The following CBFB variants were observed in gnomAD, a reference collection of about 807,000 sequenced individuals.
The protein encoded by CBFB is core-binding factor subunit beta.
Under a neutral mutation model 30.4 loss-of-function variants are expected in CBFB, and 9 were observed. The ratio of observed to expected loss-of-function variants is 0.30; its 90% CI spans 0.18 to 0.52. The LOEUF (loss-of-function observed/expected upper bound fraction) is 0.52. Among genes scored for constraint, CBFB ranks in the 20% least tolerant of loss-of-function variants. The pLI is 0.97. For synonymous variants in CBFB, 94 were observed against 84.0 expected, an observed-to-expected ratio of 1.12 and a Z score of -0.65; for missense variants, 170 against 244.0, an observed-to-expected ratio of 0.70 and a Z score of 2.02.
chr16:67,037,610 T>A (rs961871850), intron 3 of CBFB, among the ~76,000 whole-genome samples: 21 of 152,014 alleles, frequency 1.4e-4, no homozygotes, highest in Admixed American at 9.2e-4. Context: ...ATAGGTAAAA[T>A]GTTTAAGCTG....
chr16:67,032,977 T>A (rs1286455179), intron 2 of CBFB, among the ~76,000 whole-genome samples: 1 of 152,078 alleles, frequency 6.6e-6, no homozygotes, highest in Non-Finnish European at 1.5e-5. Flanking sequence ...CATGTTCAAG[T>A]GATTGTCTTG....
chr16:67,066,623 C>A, intron 3 of CBFB, 59 bp from the exon 4 acceptor site: 1 of 905,964 alleles, frequency 1.1e-6, no homozygotes, highest in Non-Finnish European at 1.8e-6. Flanking sequence ...TAAGTTTAAT[C>A]TTTTTATTTT....
chr16:67,085,891 G>A (rs1277739893), intron 5 of CBFB, among the ~76,000 whole-genome samples: 2 of 151,554 alleles, frequency 1.3e-5, no homozygotes, highest in Admixed American at 6.6e-5. Context: ...TGTTAGCCAG[G>A]ATGGTCTCGA....
At chr16:67,068,122 T>C (rs1961108972) in intron 4 of CBFB, among the ~76,000 whole-genome samples, 1 of 152,210 alleles carries the variant, frequency 6.6e-6, no homozygotes, top group South Asian at 2.1e-4. Context: ...GTAAAAACTC[T>C]GACCAGTCAT....
intron 3 of CBFB, among the ~76,000 whole-genome samples, chr16:67,044,927 G>C (rs1373427876): frequency 6.6e-6 from 1 of 152,106 alleles, no homozygotes; most frequent in African/African-American, 2.4e-5. Context: ...CAAATACCTT[G>C]TCACATCTGG....
intron 3 of CBFB, among the ~76,000 whole-genome samples, chr16:67,046,280 T>G (rs570002555): frequency 6.6e-6 from 1 of 152,186 alleles, no homozygotes; most frequent in African/African-American, 2.4e-5. Context: ...GTAATTTTTT[T>G]GTAGATATGG....
At chr16:67,078,898 A>AC (rs1961479250) in intron 4 of CBFB, among the ~76,000 whole-genome samples, 1 of 152,050 alleles carries the variant, frequency 6.6e-6, no homozygotes. Flanking sequence ...AACTCAGGTG[A>AC]CCCACCGGCC....
At chr16:67,057,939 T>G (rs1406443800) in intron 3 of CBFB, among the ~76,000 whole-genome samples, 1 of 152,200 alleles carries the variant, frequency 6.6e-6, no homozygotes, top group Non-Finnish European at 1.5e-5. Flanking sequence ...GGCAAAAAAT[T>G]ACTCTTTCTC....
At chr16:67,055,890 C>T (rs989902605) in intron 3 of CBFB, among the ~76,000 whole-genome samples, 3 of 152,040 alleles carry the variant, frequency 2.0e-5, no homozygotes, top group Non-Finnish European at 4.4e-5. Context: ...GAGTCAGAAC[C>T]AAGTATCTTC....
chr16:67,046,409 A>G (rs2145725212), intron 3 of CBFB, among the ~76,000 whole-genome samples: 1 of 152,122 alleles, frequency 6.6e-6, no homozygotes, highest in East Asian at 1.9e-4. Flanking sequence ...TTTAATGGTT[A>G]ATTCAAATGC....
At chr16:67,041,073 T>C (rs1211413656) in intron 3 of CBFB, among the ~76,000 whole-genome samples, 5 of 152,218 alleles carry the variant, frequency 3.3e-5, no homozygotes, top group Non-Finnish European at 7.3e-5. Context: ...ATGGGCTTTT[T>C]ATTCTGAGTG....
At chr16:67,064,967 G>A (rs1288413994) in intron 3 of CBFB, among the ~76,000 whole-genome samples, 2 of 151,700 alleles carry the variant, frequency 1.3e-5, no homozygotes, top group African/African-American at 4.8e-5. Flanking sequence ...GCACTATCTC[G>A]GCTCACTGCA....
intron 4 of CBFB, among the ~76,000 whole-genome samples, chr16:67,074,999 C>T (rs1383212124): frequency 1.3e-5 from 2 of 151,876 alleles, no homozygotes; most frequent in Non-Finnish European, 1.5e-5. Flanking sequence ...TGGAGACCAG[C>T]CTGGTATGGC....
chr16:67,043,532 A>G (rs1451698044), intron 3 of CBFB, among the ~76,000 whole-genome samples: 2 of 152,188 alleles, frequency 1.3e-5, no homozygotes, highest in Admixed American at 6.5e-5. Flanking sequence ...AAACTTTTAT[A>G]CCCAGGTACC....
chr16:67,087,956 G>T (rs1407575634), intron 5 of CBFB, among the ~76,000 whole-genome samples: 4 of 152,128 alleles, frequency 2.6e-5, no homozygotes, highest in Non-Finnish European at 5.9e-5. Context: ...CCAGTTAATT[G>T]AATTATTTGG....
chr16:67,029,246 G>C lies in CBFB; in HGVS notation c.-162G>C, dbSNP rs867508880. ...GGCTCGAGCGGGCGGCGGCGCCTCA[G>C]ACTCCCCGGAACGGGAGCCCACGCG... On this transcript the variant is annotated 5_prime_UTR_variant, in exon 1 of 6. Transcript: ENST00000412916. 21 of 374,498 alleles carry C rather than the reference G, an allele frequency of 5.6e-5. No homozygotes were observed. Among genetic ancestry groups the C allele is most frequent in the Middle Eastern group, 8.4e-4 (1 of 1,190 alleles). 23.2% of individuals were successfully genotyped at this position (374,498 alleles called of 1,614,324 possible).
chr16:67,050,236 G>A (rs1966716018), intron 3 of CBFB, among the ~76,000 whole-genome samples: 2 of 146,134 alleles, frequency 1.4e-5, no homozygotes, highest in South Asian at 2.1e-4. Context: ...ATATTTATAT[G>A]TAATATATAT....
intron 3 of CBFB, among the ~76,000 whole-genome samples, chr16:67,056,807 G>A (rs568677402): frequency 2.6e-5 from 4 of 152,098 alleles, no homozygotes; most frequent in Non-Finnish European, 5.9e-5. Context: ...TCAGCCTCCT[G>A]AGTAGCTGGG....
chr16:67,033,340 T>A (rs553492969), intron 2 of CBFB, among the ~76,000 whole-genome samples: 1 of 152,254 alleles, frequency 6.6e-6, no homozygotes, highest in Non-Finnish European at 1.5e-5. Flanking sequence ...TGTAGTAGAA[T>A]CTGATTTATT....
Sources: gnomAD v4.1 joint callset for allele counts (sites outside exome capture counted in the v4.1 genomes callset) on GRCh38, gnomAD v4.1.1 for gene constraint, MANE v1.5 for transcripts, NCBI Gene and HGNC (gene_info 2026-07-23, HGNC 2026-07-21) for gene names.